The following RAC2 variants were observed in gnomAD, a reference collection of about 807,000 sequenced individuals.
The protein encoded by RAC2 is ras-related C3 botulinum toxin substrate 2.
RAC2 carries 1 observed loss-of-function variant against 24.0 expected under a neutral mutation model. The observed-to-expected ratio is 0.04, with a 90% CI of 0.01 to 0.20. The LOEUF (loss-of-function observed/expected upper bound fraction) is 0.20, where lower values mean the gene tolerates loss of function less well. Among genes scored for constraint, RAC2 ranks in the 10% least tolerant of loss-of-function variants. The pLI, the probability that RAC2 is intolerant of heterozygous loss-of-function variation, is 1.00. For synonymous variants in RAC2, 114 were observed against 106.8 expected (o/e 1.07, Z -0.41); for missense variants, 130 against 259.1 (o/e 0.50, Z 3.42).
At chr22:37,229,716 G>T (rs953778317) in intron 5 of RAC2, among the ~76,000 whole-genome samples, 7 of 152,230 alleles carry the variant, frequency 4.6e-5, no homozygotes, top group African/African-American at 1.4e-4. Context: ...GGTCAGCCAG[G>T]AAAGACTGGC....
chr22:37,226,943 C>T (rs1926862568), intron 5 of RAC2, 140 bp from the exon 6 acceptor site: 1 of 1,033,866 alleles, frequency 9.7e-7, no homozygotes, highest in African/African-American at 1.8e-5. Context: ...CATACACCCT[C>T]CCGTGCCATA....
chr22:37,241,067 A>G (rs1160182322), intron 2 of RAC2: 2 of 740,590 alleles, frequency 2.7e-6, no homozygotes, highest in Non-Finnish European at 5.0e-6. Context: ...GTGCCTCCCC[A>G]GTCATCCTTC....
Position 37,226,703 on chromosome 22 carries a change from C to T in RAC2, c.549G>A (p.Arg183=), listed in dbSNP as rs1267201966. The T allele has an allele frequency of 1.9e-6, 3 of 1,612,938 alleles. No homozygotes were observed. The highest frequency in any genetic ancestry group is 1.1e-5 in the South Asian group (1 of 91,078). ...GGAGGCTGCAGGCGCGCTTCTGCTG[C>T]CGCGTGGGCTGAGGGCACAGCACGG... ...IRAVLCPQPT[R]QQKRACSLL is the part of the protein sequence containing the mutation. The change falls in exon 6 of 7, where the codon CGG becomes CGA. Residue 183 remains arginine, a synonymous_variant. Coordinates refer to ENST00000249071, the MANE Select transcript of RAC2 (RefSeq NM_002872.5).
intron 2 of RAC2, among the ~76,000 whole-genome samples, chr22:37,236,207 TG>T (rs1927217288): frequency 6.6e-6 from 1 of 152,310 alleles, no homozygotes; most frequent in African/African-American, 2.4e-5. Context: ...GCCACCCCAC[TG>T]GGAGATGCTG....
At position 37,231,778 on chromosome 22, in the gene RAC2, C is replaced by T. The variant is rs1221128983; in HGVS notation, c.288+154G>A. ...CCCCAGGTCCTCTGAATCTTACCCC[C>T]TCAAGTCCCTCTGCCAGCCCTGGTT... is the stretch of plus-strand genomic sequence containing the variant. On this transcript the variant is annotated intron_variant, in intron 4 of 6. Coordinates refer to ENST00000249071, the MANE Select transcript of RAC2 (RefSeq NM_002872.5). This position sits in a 1 kb window ranked among gnomAD's most constrained non-coding sequence, Gnocchi z 5.5. Among the ~76,000 whole-genome samples the T allele has an allele frequency of 6.6e-6, 1 of 152,010 alleles. No individual in the cohort carries two copies. The highest frequency in any genetic ancestry group is 1.5e-5 in the Non-Finnish European group (1 of 67,968).
chr22:37,226,740 T>C lies in RAC2; in HGVS notation c.512A>G (p.Glu171Gly). The change falls in exon 6 of 7, where the codon GAG becomes GGG. Residue 171 changes from glutamate (E) to glycine (G), a missense_variant. Around this residue, in one of 2 missense-constraint regions of RAC2, gnomAD observed 119 missense variants for 192.1 expected, o/e 0.62. Transcript: ENST00000249071. Reference protein sequence around the residue: ...TQRGLKTVFDEAIRAVLCPQP... With the variant: ...TQRGLKTVFDGAIRAVLCPQP... ...AGGGCACAGCACGGCCCGGATGGCCTCGTCGAACACGGTTTTCAGGCCTCT... is the reference window on the plus strand; with the variant it reads ...AGGGCACAGCACGGCCCGGATGGCCCCGTCGAACACGGTTTTCAGGCCTCT... The C allele has an allele frequency of 6.2e-7, 1 of 1,613,126 alleles. No homozygotes were observed. Among genetic ancestry groups the C allele is most frequent in the Non-Finnish European group, 8.5e-7 (1 of 1,179,590 alleles).
chr22:37,233,698 G>T (rs1927143412), intron 2 of RAC2, among the ~76,000 whole-genome samples: 1 of 152,228 alleles, frequency 6.6e-6, no homozygotes, highest in Admixed American at 6.5e-5. Flanking sequence ...CCAGGATGCT[G>T]CAGAAGGGGA....
chr22:37,225,322 T>C lies in RAC2; in HGVS notation c.*720A>G, dbSNP rs1176791226. On this transcript the variant is annotated 3_prime_UTR_variant, in exon 7 of 7. Transcript: ENST00000249071. Reference sequence around the variant, plus strand: ...AAGCAGGTTGAGTTGGGTTTTCTATTTGCAATAGCAAAAGTCCTGACTGGC... The same window carrying C: ...AAGCAGGTTGAGTTGGGTTTTCTATCTGCAATAGCAAAAGTCCTGACTGGC... 2.0e-5 allele frequency: 3 copies of C among 152,212 alleles called. No homozygotes were observed. The highest frequency in any genetic ancestry group is 7.2e-5 in the African/African-American group (3 of 41,448). 9.4% of individuals were successfully genotyped at this position (152,212 alleles called of 1,614,324 possible).
chr22:37,229,354 C>T (rs1035128969), intron 5 of RAC2, among the ~76,000 whole-genome samples: 28 of 152,258 alleles, frequency 1.8e-4, no homozygotes, highest in African/African-American at 6.7e-4. Context: ...AGCTTTGTGG[C>T]TTAGGGAGCC....
At chr22:37,235,725 A>G (rs1012034188) in intron 2 of RAC2, among the ~76,000 whole-genome samples, 1 of 152,246 alleles carries the variant, frequency 6.6e-6, no homozygotes, top group Non-Finnish European at 1.5e-5. Context: ...AGTTTTGACC[A>G]GAAACACACT....
At chr22:37,226,565 C>T (rs1296535093) in intron 6 of RAC2, 106 bp downstream of exon 6, 2 of 1,463,200 alleles carry the variant, frequency 1.4e-6, no homozygotes, top group East Asian at 4.9e-5. Flanking sequence ...CCATACCCAC[C>T]TTCTTTCTGT....
At chr22:37,228,993 G>A (rs900867819) in intron 5 of RAC2, among the ~76,000 whole-genome samples, 2 of 152,226 alleles carry the variant, frequency 1.3e-5, no homozygotes, top group African/African-American at 4.8e-5. Context: ...ACAGCCCCCT[G>A]TGTTGAGGAG....
At chr22:37,237,754 G>A (rs1024156449) in intron 2 of RAC2, among the ~76,000 whole-genome samples, 3 of 152,156 alleles carry the variant, frequency 2.0e-5, no homozygotes, top group Admixed American at 2.0e-4. Context: ...ACAGGAATGG[G>A]CTCAGCTCTG....
intron 2 of RAC2, chr22:37,241,275 G>A: frequency 1.4e-6 from 1 of 692,702 alleles, no homozygotes; most frequent in Non-Finnish European, 2.6e-6. Flanking sequence ...TTCCGCAGAA[G>A]CTCCTCTCCC....
intron 5 of RAC2, among the ~76,000 whole-genome samples, chr22:37,227,627 A>G (rs112504554): frequency 0.015 from 459 of 30,236 alleles, 11 homozygotes; most frequent in African/African-American, 0.06. Context: ...CACGCCATAC[A>G]CCCCTCCTAT....
At chr22:37,229,243 G>T (rs1926981546) in intron 5 of RAC2, among the ~76,000 whole-genome samples, 1 of 91,562 alleles carries the variant, frequency 1.1e-5, no homozygotes, top group Non-Finnish European at 2.1e-5. Flanking sequence ...CCATGCGATG[G>T]CTCATCAAGC....
chr22:37,233,334 G>A (rs1927130537), intron 2 of RAC2, among the ~76,000 whole-genome samples: 1 of 152,138 alleles, frequency 6.6e-6, no homozygotes, highest in Non-Finnish European at 1.5e-5. Context: ...CCAGGCTGGA[G>A]TGCAGTGGCA....
intron 5 of RAC2, 58 bp from the exon 6 acceptor site, chr22:37,226,861 C>T (rs538511937): frequency 6.3e-7 from 1 of 1,598,400 alleles, no homozygotes; most frequent in Non-Finnish European, 8.5e-7. Flanking sequence ...GGTTCTGGGC[C>T]AACATGTCTC....
chr22:37,226,589 C>A, intron 6 of RAC2, 82 bp downstream of exon 6: 1 of 1,558,074 alleles, frequency 6.4e-7, no homozygotes, highest in Non-Finnish European at 8.7e-7. Context: ...GGCCTAAATG[C>A]CACTCACAGT....
Sources: gnomAD v4.1 joint callset for allele counts (sites outside exome capture counted in the v4.1 genomes callset) on GRCh38, gnomAD v4.1.1 for gene constraint, gnomAD v4.1.1 regional missense constraint, Gnocchi (gnomAD v3.1) non-coding constraint, MANE v1.5 for transcripts, NCBI Gene and HGNC (gene_info 2026-07-23, HGNC 2026-07-21) for gene names.